The following PRKG1 variants were observed in gnomAD, a reference collection of about 807,000 sequenced individuals.
The protein encoded by PRKG1 is cGMP-dependent protein kinase 1.
In PRKG1, 35 loss-of-function variants were observed where a neutral mutation model predicts 88.1. That is an observed-to-expected ratio of 0.40 (90% CI 0.30 to 0.53). PRKG1 has a LOEUF of 0.53. Ranked by LOEUF, PRKG1 falls within the 20% of genes least tolerant of loss-of-function variation. PRKG1 has a pLI of 0.59. For missense variants in PRKG1, 540 were observed against 839.8 expected, an observed-to-expected ratio of 0.64 and a Z score of 4.41; for synonymous variants, 303 against 292.5, an observed-to-expected ratio of 1.04 and a Z score of -0.37.
intron 2 of PRKG1, among the ~76,000 whole-genome samples, chr10:51,283,076 T>C (rs1414185828): frequency 6.6e-6 from 1 of 152,194 alleles, no homozygotes; most frequent in African/African-American, 2.4e-5. Flanking sequence ...TATAAACAGC[T>C]TCTCATGCCC....
At chr10:51,278,240 G>C (rs1374168409) in intron 2 of PRKG1, among the ~76,000 whole-genome samples, 1 of 152,058 alleles carries the variant, frequency 6.6e-6, no homozygotes, top group South Asian at 2.1e-4. Flanking sequence ...GGTTCTGTTT[G>C]TATGTTGGAT....
chr10:51,547,177 C>G (rs1300474133), intron 3 of PRKG1, among the ~76,000 whole-genome samples: 1 of 152,068 alleles, frequency 6.6e-6, no homozygotes, highest in African/African-American at 2.4e-5. Flanking sequence ...AGTCTTCAAA[C>G]TTGAAAGTGT....
At chr10:51,016,678 T>TTTTTTTTTTTTTTTTTTTTTTTTTG (rs1843069494) in intron 1 of PRKG1, among the ~76,000 whole-genome samples, 1 of 103,066 alleles carries the variant, frequency 9.7e-6, no homozygotes, top group Non-Finnish European at 1.9e-5. Context: ...CCTTTCTTTT[T>TTTTTTTTTTTTTTTTTTTTTTTTTG]TTTTTTTTTT....
At chr10:51,652,675 T>G (rs571516486) in intron 3 of PRKG1, among the ~76,000 whole-genome samples, 26 of 152,232 alleles carry the variant, frequency 1.7e-4, no homozygotes, top group Admixed American at 3.9e-4. Context: ...GATATATGAA[T>G]ACATTGTGGA....
At chr10:51,257,411 A>G (rs1839593366) in intron 2 of PRKG1, among the ~76,000 whole-genome samples, 1 of 152,192 alleles carries the variant, frequency 6.6e-6, no homozygotes, top group African/African-American at 2.4e-5. Flanking sequence ...CTCAATACAT[A>G]TTTATCGAAT....
intron 14 of PRKG1, among the ~76,000 whole-genome samples, chr10:52,282,729 C>G (rs1294424545): frequency 1.3e-5 from 2 of 152,098 alleles, no homozygotes; most frequent in African/African-American, 4.8e-5. Flanking sequence ...CTGCTTTGTA[C>G]ATCTTTCCTG....
chr10:51,718,708 G>A (rs1275307263), intron 3 of PRKG1, among the ~76,000 whole-genome samples: 2 of 151,866 alleles, frequency 1.3e-5, no homozygotes, highest in Non-Finnish European at 2.9e-5. Flanking sequence ...CTTCTTTGTA[G>A]AATCTAAAAA....
chr10:51,727,274 CAAA>C (rs1259062564), intron 3 of PRKG1, among the ~76,000 whole-genome samples: 28 of 141,498 alleles, frequency 2.0e-4, no homozygotes, highest in Non-Finnish European at 3.1e-4. Flanking sequence ...GACCCCATTG[CAAA>C]AAAAAAAAAT....
chr10:51,048,322 C>T (rs940901079), intron 1 of PRKG1, among the ~76,000 whole-genome samples: 1 of 151,842 alleles, frequency 6.6e-6, no homozygotes, highest in African/African-American at 2.4e-5. Flanking sequence ...CCCTTTCTCC[C>T]TCCCTCCCTT....
intron 4 of PRKG1, among the ~76,000 whole-genome samples, chr10:51,881,105 A>T: frequency 6.6e-6 from 1 of 152,028 alleles, no homozygotes; most frequent in Non-Finnish European, 1.5e-5. Context: ...AGCATATGTG[A>T]AGATCCTGTG....
chr10:51,061,069 G>GTGTGTGTGTGTA (rs1378857849), intron 1 of PRKG1, among the ~76,000 whole-genome samples: 8 of 152,058 alleles, frequency 5.3e-5, no homozygotes, highest in African/African-American at 1.4e-4. Flanking sequence ...GGGTGTGTGT[G>GTGTGTGTGTGTA]TGTGTGTGTG....
At chr10:51,295,214 A>G (rs909445668) in intron 2 of PRKG1, among the ~76,000 whole-genome samples, 1 of 152,162 alleles carries the variant, frequency 6.6e-6, no homozygotes, top group Non-Finnish European at 1.5e-5. Context: ...AAATCTGTAG[A>G]TTATTGTGGG....
chr10:50,994,479 C>G (rs1204913957), intron 1 of PRKG1, among the ~76,000 whole-genome samples: 1 of 143,952 alleles, frequency 6.9e-6, no homozygotes, highest in East Asian at 2.0e-4. Flanking sequence ...GTGCGATCTC[C>G]GGCTCACTGC....
In PRKG1 at chr10:52,248,698, A is replaced by C. The variant is rs550848144; in HGVS notation, c.1077-2872A>C. ...GTGGATTTTGATGGTTAAAGAGAAAATTTCTACCATTTAAGATGAAACTTA... is the reference window on the plus strand; with the variant it reads ...GTGGATTTTGATGGTTAAAGAGAAACTTTCTACCATTTAAGATGAAACTTA... On this transcript the variant is annotated intron_variant, in intron 9 of 17. Coordinates refer to ENST00000373980, the MANE Select transcript of PRKG1 (RefSeq NM_006258.4). 7.9e-5 allele frequency among the ~76,000 whole-genome samples: 12 copies of C among 152,236 alleles called. No homozygotes were observed. In the East Asian group the frequency reaches 2.3e-3, roughly 29 times the overall value.
At chr10:51,036,334 C>G (rs1461140801) in intron 1 of PRKG1, among the ~76,000 whole-genome samples, 3 of 152,102 alleles carry the variant, frequency 2.0e-5, no homozygotes, top group Non-Finnish European at 2.9e-5. Flanking sequence ...AGATGAATGA[C>G]AGGTATTACT....
intron 9 of PRKG1, among the ~76,000 whole-genome samples, chr10:52,173,383 A>C (rs1224027190): frequency 6.6e-6 from 1 of 152,232 alleles, no homozygotes; most frequent in African/African-American, 2.4e-5. Flanking sequence ...ATCTTTCAAT[A>C]AAATGCCATT....
intron 3 of PRKG1, among the ~76,000 whole-genome samples, chr10:51,494,648 G>A (rs772824152): frequency 5.4e-4 from 82 of 152,290 alleles, no homozygotes; most frequent in Admixed American, 1.4e-3. Context: ...ATTGGAATAA[G>A]AACCTACATT....
chr10:51,235,987 T>C (rs1223287364), intron 2 of PRKG1, among the ~76,000 whole-genome samples: 1 of 152,174 alleles, frequency 6.6e-6, no homozygotes, highest in Non-Finnish European at 1.5e-5. Context: ...TAAAACAGAT[T>C]GCTGGTCCCG....
chr10:51,520,202 T>G (rs1417740758), intron 3 of PRKG1, among the ~76,000 whole-genome samples: 2 of 150,840 alleles, frequency 1.3e-5, no homozygotes, highest in East Asian at 3.9e-4. Flanking sequence ...ACTACATTAT[T>G]TATATAATAT....
Sources: allele counts gnomAD v4.1 joint callset (sites outside exome capture counted in the v4.1 genomes callset), GRCh38; gene constraint gnomAD v4.1.1; transcripts MANE v1.5; gene names NCBI Gene and HGNC (gene_info 2026-07-23, HGNC 2026-07-21).